Variants in JARID2 observed in about 807,000 individuals in gnomAD.
JARID2 encodes protein Jumonji.
In JARID2, 21 loss-of-function variants were observed where a neutral mutation model predicts 125.6. The ratio of observed to expected loss-of-function variants is 0.17; its 90% CI spans 0.12 to 0.24. The LOEUF (loss-of-function observed/expected upper bound fraction) is 0.24. Ranked by LOEUF, JARID2 falls within the 10% of genes least tolerant of loss-of-function variation. JARID2 has a pLI of 1.00. For missense variants in JARID2, 1,303 were observed against 1,639.6 expected (o/e 0.79, Z 3.55); for synonymous variants, 736 against 661.6 (o/e 1.11, Z -1.73).
In JARID2 at chr6:15,521,255, G is replaced by A. The variant is rs1356170241; in HGVS notation, c.*1004G>A. 6.6e-6 allele frequency: 1 copy of A among 152,250 alleles called. No individual in the cohort carries two copies. The highest frequency in any genetic ancestry group is 1.5e-5 in the Non-Finnish European group (1 of 68,200). 9.4% of individuals were successfully genotyped at this position (152,250 alleles called of 1,614,324 possible). A position where few individuals can be genotyped will look rare whatever the true frequency, so the allele number is the denominator to read the frequency against. On this transcript the variant is annotated 3_prime_UTR_variant, in exon 18 of 18. Coordinates refer to ENST00000341776, the MANE Select transcript of JARID2 (RefSeq NM_004973.4). ...TTTATGATCATGTAGAGAGCCACTA[G>A]GAGGCCTGCAGTTATTTTTGAATGT...
intron 5 of JARID2, among the ~76,000 whole-genome samples, chr6:15,486,789 T>G (rs1291917726): frequency 3.4e-5 from 5 of 147,146 alleles, no homozygotes; most frequent in Non-Finnish European, 7.4e-5. Flanking sequence ...TGCATCTCTT[T>G]TAAATCTGAG....
At chr6:15,418,946 G>A (rs1040636617) in intron 3 of JARID2, among the ~76,000 whole-genome samples, 1 of 152,032 alleles carries the variant, frequency 6.6e-6, no homozygotes, top group Non-Finnish European at 1.5e-5. Flanking sequence ...TATTTACTTC[G>A]AGTTTGAAAG....
At chr6:15,379,512 A>C in intron 2 of JARID2, among the ~76,000 whole-genome samples, 1 of 152,250 alleles carries the variant, frequency 6.6e-6, no homozygotes, top group East Asian at 1.9e-4. Context: ...ACACAGTCAG[A>C]GAGGGAAGCT....
At position 15,246,344 on chromosome 6, in the gene JARID2, CT is replaced by C. The variant is rs1288751647; in HGVS notation, c.-187del. On this transcript the variant is annotated 5_prime_UTR_variant, in exon 1 of 18. Transcript: ENST00000341776. ...TTGTTTGCTTCGTTCGTCTTTGGCT[CT>C]TTTTTTTTCCTTCCCAATTTCGGAT... 1.4e-4 allele frequency: 78 copies of C among 563,338 alleles called. No individual in the cohort carries two copies. Among genetic ancestry groups the C allele is most frequent in the South Asian group, 3.4e-4 (15 of 44,088 alleles). The allele number at this position is 563,338 out of a possible 1,614,324, so 34.9% of individuals were successfully genotyped here. A position where few individuals can be genotyped will look rare whatever the true frequency, so the allele number is the denominator to read the frequency against.
At chr6:15,508,735 G>A (rs557261601) in intron 12 of JARID2, among the ~76,000 whole-genome samples, 5 of 152,144 alleles carry the variant, frequency 3.3e-5, no homozygotes, top group Non-Finnish European at 5.9e-5. Context: ...AGTTCCTTAA[G>A]TTCCCTTAAG....
At chr6:15,264,721 T>A (rs1269293213) in intron 1 of JARID2, among the ~76,000 whole-genome samples, 2 of 152,082 alleles carry the variant, frequency 1.3e-5, no homozygotes, top group Non-Finnish European at 2.9e-5. Flanking sequence ...TAACTGGAAA[T>A]CTGTGTTCTG....
intron 1 of JARID2, among the ~76,000 whole-genome samples, chr6:15,366,866 A>C (rs192006346): frequency 1.3e-5 from 2 of 152,292 alleles, no homozygotes; most frequent in Admixed American, 6.5e-5. Flanking sequence ...CCAACTTTAG[A>C]ACAGATGTGT....
chr6:15,384,264 A>G (rs766920635), intron 2 of JARID2, among the ~76,000 whole-genome samples: 2 of 151,808 alleles, frequency 1.3e-5, no homozygotes, highest in Non-Finnish European at 2.9e-5. Flanking sequence ...TTTTTAAATT[A>G]TTTGTAGAGA....
At chr6:15,313,602 TG>T (rs2127430540) in intron 1 of JARID2, among the ~76,000 whole-genome samples, 1 of 152,308 alleles carries the variant, frequency 6.6e-6, no homozygotes, top group East Asian at 1.9e-4. Flanking sequence ...TTGAGAGCAC[TG>T]TGGAATTTGC....
At chr6:15,436,505 A>G (rs552078967) in intron 3 of JARID2, among the ~76,000 whole-genome samples, 84 of 152,242 alleles carry the variant, frequency 5.5e-4, no homozygotes, top group African/African-American at 1.9e-3. Flanking sequence ...TAGGCCCAGG[A>G]TGGGGGCGTG....
intron 12 of JARID2, chr6:15,509,452 A>G (rs1380677714): frequency 3.0e-6 from 2 of 675,888 alleles, no homozygotes; most frequent in Admixed American, 1.3e-4. Flanking sequence ...TGTGGACATG[A>G]GGGAGCCCTC....
intron 3 of JARID2, among the ~76,000 whole-genome samples, chr6:15,410,695 A>G: frequency 6.6e-6 from 1 of 152,206 alleles, no homozygotes; most frequent in Non-Finnish European, 1.5e-5. Flanking sequence ...TATATATATT[A>G]GGTGATGTTT....
chr6:15,415,142 G>A (rs1027444475), intron 3 of JARID2, among the ~76,000 whole-genome samples: 7 of 152,330 alleles, frequency 4.6e-5, no homozygotes, highest in East Asian at 1.9e-4. Context: ...TAAGGTCACC[G>A]ATCAACAGGA....
chr6:15,422,681 A>G (rs1388608099), intron 3 of JARID2, among the ~76,000 whole-genome samples: 1 of 152,160 alleles, frequency 6.6e-6, no homozygotes, highest in Non-Finnish European at 1.5e-5. Flanking sequence ...CTTCCCCATC[A>G]GGAAATAGAG....
intron 3 of JARID2, among the ~76,000 whole-genome samples, chr6:15,415,827 C>CCCCCACCCCCCCACCT (rs1766162432): frequency 7.4e-6 from 1 of 135,646 alleles, no homozygotes; most frequent in African/African-American, 2.8e-5. Context: ...GGGGCTGACC[C>CCCCCACCCCCCCACCT]CCCCACCTCC....
At chr6:15,433,943 TG>T (rs1767087941) in intron 3 of JARID2, among the ~76,000 whole-genome samples, 1 of 150,392 alleles carries the variant, frequency 6.6e-6, no homozygotes, top group Non-Finnish European at 1.5e-5. Context: ...TGTGTGTGTG[TG>T]TGTGTGTGTG....
intron 1 of JARID2, among the ~76,000 whole-genome samples, chr6:15,348,996 A>C (rs1426553197): frequency 6.6e-6 from 1 of 152,214 alleles, no homozygotes; most frequent in Non-Finnish European, 1.5e-5. Flanking sequence ...ACAATGTTGA[A>C]AAGGGTTTTC....
At chr6:15,360,177 A>G (rs1470564514) in intron 1 of JARID2, among the ~76,000 whole-genome samples, 2 of 151,650 alleles carry the variant, frequency 1.3e-5, no homozygotes, top group South Asian at 2.1e-4. Flanking sequence ...TTCCTTTATA[A>G]TATTTAATTA....
intron 3 of JARID2, among the ~76,000 whole-genome samples, chr6:15,423,588 G>A (rs551667872): frequency 1.2e-4 from 19 of 152,300 alleles, no homozygotes; most frequent in African/African-American, 2.2e-4. Context: ...TGTGGCTTAC[G>A]TGGCAGGATG....
Sources: allele counts gnomAD v4.1 joint callset (sites outside exome capture counted in the v4.1 genomes callset), GRCh38; gene constraint gnomAD v4.1.1; transcripts MANE v1.5; gene names NCBI Gene and HGNC (gene_info 2026-07-23, HGNC 2026-07-21).